Variants in ZDHHC24 observed in about 807,000 individuals in gnomAD.
ZDHHC24 encodes the protein zDHHC palmitoyltransferase 24.
In ZDHHC24, 17 loss-of-function variants were observed where a neutral mutation model predicts 23.2. The observed-to-expected ratio is 0.73, with a 90% CI of 0.50 to 1.10. ZDHHC24 has a LOEUF of 1.10. Among genes scored for constraint, ZDHHC24 ranks in the 50% least tolerant of loss-of-function variants. ZDHHC24 has a pLI of 0.00. For synonymous variants in ZDHHC24, 186 were observed against 194.5 expected (o/e 0.96, Z 0.36); for missense variants, 366 against 393.0 (o/e 0.93, Z 0.58).
rs965595821 is a variant in ZDHHC24, at chr11:66,523,316, A to G, written c.*22-1850T>C. 6.8e-6 allele frequency: 8 copies of G among 1,177,848 alleles called. No homozygotes were observed. In the African/African-American group the frequency reaches 1.2e-4, roughly 18 times the overall value. The allele number at this position is 1,177,848 out of a possible 1,614,324, so 73.0% of individuals were successfully genotyped here. A position where few individuals can be genotyped will look rare whatever the true frequency, so the allele number is the denominator to read the frequency against. ...GCCACACATTTACTAAGGTGGCAGA[A>G]GTGGAAATAATCCCAGGGTCATCTG... is the stretch of plus-strand genomic sequence containing the variant. On this transcript the variant is annotated intron_variant, in intron 4 of 4. Coordinates refer to the ZDHHC24 transcript ENST00000526986.
intron 2 of ZDHHC24, 35 bp downstream of exon 2, chr11:66,543,669 C>G (rs1222614712): frequency 9.8e-6 from 15 of 1,530,358 alleles, no homozygotes; most frequent in Admixed American, 2.1e-5. Context: ...TACCAGGGCC[C>G]CTGCCTCTGT....
Position 66,543,890 on chromosome 11 carries a change from G to A in ZDHHC24, c.373C>T (p.Arg125Cys), listed in dbSNP as rs754054669. The change falls in exon 2 of 3, where the codon CGC (arginine) becomes TGC (cysteine). Residue 125 changes from arginine to cysteine, a missense_variant. Physicochemically the swap from Arg to Cys is radical, Grantham distance 180. Transcript: ENST00000310442. Reference sequence around the variant, plus strand: ...AAGCCCACGCAGCGGCCCAGCAGGCGGCAGTGGTGGTCCCGACGCAGGATG... The same window carrying A: ...AAGCCCACGCAGCGGCCCAGCAGGCAGCAGTGGTGGTCCCGACGCAGGATG... ...VCILRRDHHC[R>C]LLGRCVGFGN... 8.1e-6 allele frequency: 13 copies of A among 1,613,972 alleles called. No homozygotes were observed. Among genetic ancestry groups the A allele is most frequent in the Non-Finnish European group, 1.1e-5 (13 of 1,179,930 alleles).
At position 66,543,697 on chromosome 11, in the gene ZDHHC24, T is replaced by G; in HGVS notation, c.559+7A>C. On this transcript the variant is annotated splice_region_variant and intron_variant, in intron 2 of 2. Transcript: ENST00000310442. ...GCCTCTGTGCAGAGGCCTCCCAGGCTCCCCACCTGTGAGCAACATGAGCCA... is the reference window on the plus strand; with the variant it reads ...GCCTCTGTGCAGAGGCCTCCCAGGCGCCCCACCTGTGAGCAACATGAGCCA... 6.4e-7 allele frequency: 1 copy of G among 1,569,190 alleles called. No homozygotes were observed. The highest frequency in any genetic ancestry group is 8.6e-7 in the Non-Finnish European group (1 of 1,156,968).
At chr11:66,528,229 A>G (rs1422566428) in intron 3 of ZDHHC24, among the ~76,000 whole-genome samples, 2 of 152,198 alleles carry the variant, frequency 1.3e-5, no homozygotes, top group Non-Finnish European at 2.9e-5. Context: ...AGAAAAAGAA[A>G]ATGTACAAAG....
At chr11:66,521,940 C>T (rs190239876) in intron 4 of ZDHHC24, among the ~76,000 whole-genome samples, 2,038 of 137,246 alleles carry the variant, frequency 0.015, 50 homozygotes, top group African/African-American at 0.053. Context: ...AGGGGGGTGC[C>T]GGGTGCATTG....
At chr11:66,526,250 C>T (rs1057129464) in intron 4 of ZDHHC24, 9 of 1,524,892 alleles carry the variant, frequency 5.9e-6, no homozygotes, top group Non-Finnish European at 7.3e-6. Context: ...GACAGGCCTG[C>T]TTCTGGGGAA....
Position 66,528,172 on chromosome 11 carries a change from C to T in ZDHHC24, c.736+1140G>A, listed in dbSNP as rs1487913328. ...CAAAGGTTGCAGTGAACCAAGATCACGCCACTGCACTCCAGCCTGGGTGAC... is the reference window on the plus strand; with the variant it reads ...CAAAGGTTGCAGTGAACCAAGATCATGCCACTGCACTCCAGCCTGGGTGAC... On this transcript the variant is annotated intron_variant, in intron 3 of 4. Transcript: ENST00000526986. Among the ~76,000 whole-genome samples the T allele has an allele frequency of 3.3e-5, 5 of 151,880 alleles. No individual in the cohort carries two copies. The South Asian group carries it at 6.3e-4, about 19-fold the overall frequency.
chr11:66,521,397 C>T (rs769797052), exon 5 of ZDHHC24: 25 of 1,596,122 alleles, frequency 1.6e-5, no homozygotes, highest in East Asian at 2.2e-5. Context: ...CCGTGGTCTC[C>T]GGGGCCGGGA....
chr11:66,533,974 G>C (rs1160053223), downstream of ZDHHC24, among the ~76,000 whole-genome samples: 2 of 152,128 alleles, frequency 1.3e-5, no homozygotes, highest in East Asian at 3.9e-4. Context: ...TTTGAGACCA[G>C]CCCGGCCAAC....
At chr11:66,523,814 G>A (rs1049027938) in intron 4 of ZDHHC24, 1 of 1,613,616 alleles carries the variant, frequency 6.2e-7, no homozygotes, top group Non-Finnish European at 8.5e-7. Flanking sequence ...GGCCGTCATG[G>A]CTGGGCTGGC....
At chr11:66,521,399 G>A in exon 5 of ZDHHC24, 1 of 1,588,216 alleles carries the variant, frequency 6.3e-7, no homozygotes, top group Non-Finnish European at 8.6e-7. Context: ...GTGGTCTCCG[G>A]GGCCGGGAGG....
At position 66,543,699 on chromosome 11, in the gene ZDHHC24, C is replaced by G; in HGVS notation, c.559+5G>C. 2 of 1,572,366 alleles carry G rather than the reference C, an allele frequency of 1.3e-6. No homozygotes were observed. The highest frequency in any genetic ancestry group is 1.7e-6 in the Non-Finnish European group (2 of 1,158,858). Reference sequence around the variant, plus strand: ...CTCTGTGCAGAGGCCTCCCAGGCTCCCCACCTGTGAGCAACATGAGCCAGG... The same window carrying G: ...CTCTGTGCAGAGGCCTCCCAGGCTCGCCACCTGTGAGCAACATGAGCCAGG... On this transcript the variant is annotated splice_donor_5th_base_variant and intron_variant, in intron 2 of 2. Coordinates refer to ENST00000310442, the MANE Select transcript of ZDHHC24 (RefSeq NM_207340.3).
intron 4 of ZDHHC24, among the ~76,000 whole-genome samples, chr11:66,525,707 G>A (rs1003340974): frequency 3.9e-5 from 6 of 152,222 alleles, no homozygotes; most frequent in Non-Finnish European, 8.8e-5. Context: ...GTAAAGAGGA[G>A]AGAACTGACA....
chr11:66,534,339 AG>A (rs1405325211), downstream of ZDHHC24, among the ~76,000 whole-genome samples: 1 of 150,168 alleles, frequency 6.7e-6, no homozygotes, highest in East Asian at 2.0e-4. Context: ...GCTACTTGGA[AG>A]GCTGAGGCAG....
intron 4 of ZDHHC24, chr11:66,524,166 G>C (rs1279370145): frequency 2.4e-6 from 1 of 425,160 alleles, no homozygotes; most frequent in Non-Finnish European, 4.5e-6. Context: ...TGTAATCCCA[G>C]CTACTCAGGA....
chr11:66,527,126 C>G, intron 3 of ZDHHC24: 1 of 1,050,772 alleles, frequency 9.5e-7, no homozygotes, highest in Non-Finnish European at 1.4e-6. Flanking sequence ...CCTGTAATCC[C>G]AACACTTTGG....
intron 4 of ZDHHC24, chr11:66,526,019 C>CT: frequency 1.0e-6 from 1 of 977,898 alleles, no homozygotes; most frequent in Non-Finnish European, 1.6e-6. Context: ...AGGCCTGTCT[C>CT]TATCACTTCT....
chr11:66,522,292 C>T (rs992881504), intron 4 of ZDHHC24, among the ~76,000 whole-genome samples: 1 of 150,906 alleles, frequency 6.6e-6, no homozygotes, highest in Admixed American at 6.6e-5. Flanking sequence ...GGGTACATGA[C>T]ATGACACTTG....
At chr11:66,543,235 T>C (rs972361359) in intron 2 of ZDHHC24, among the ~76,000 whole-genome samples, 1 of 151,910 alleles carries the variant, frequency 6.6e-6, no homozygotes, top group African/African-American at 2.4e-5. Flanking sequence ...AACTGGGCCT[T>C]CTCCTGCCTG....
Sources: gnomAD v4.1 joint callset for allele counts (sites outside exome capture counted in the v4.1 genomes callset) on GRCh38, gnomAD v4.1.1 for gene constraint, MANE v1.5 for transcripts, NCBI Gene and HGNC (gene_info 2026-07-23, HGNC 2026-07-21) for gene names.